The following CCDC138 variants were observed in gnomAD, a reference collection of about 807,000 sequenced individuals.
CCDC138 encodes coiled-coil domain containing 138.
A neutral mutation model predicts 82.3 loss-of-function variants in CCDC138; 66 were observed. The ratio of observed to expected loss-of-function variants is 0.80; its 90% CI spans 0.66 to 0.98. The LOEUF is 0.98. CCDC138 is among the 50% of genes least tolerant of loss of function. The pLI is 0.00. For missense variants in CCDC138, 816 were observed against 758.9 expected, an observed-to-expected ratio of 1.08 and a Z score of -0.88; for synonymous variants, 297 against 265.4, an observed-to-expected ratio of 1.12 and a Z score of -1.16.
chr2:108,856,609 C>T (rs954399158), intron 12 of CCDC138, 185 bp from the exon 13 acceptor site: 7 of 161,762 alleles, frequency 4.3e-5, no homozygotes, highest in African/African-American at 1.7e-4. Context: ...ATAATGTCTC[C>T]TCTCTCCTTA....
chr2:108,858,795 G>A (rs770715174), intron 13 of CCDC138, among the ~76,000 whole-genome samples: 13 of 151,698 alleles, frequency 8.6e-5, no homozygotes, highest in Admixed American at 3.3e-4. Context: ...AACTGAACTC[G>A]TCATTTAGGA....
At chr2:108,852,261 CTCT>C (rs1439696983) in intron 12 of CCDC138, among the ~76,000 whole-genome samples, 4 of 152,184 alleles carry the variant, frequency 2.6e-5, no homozygotes, top group South Asian at 2.1e-4. Context: ...TAAGATACAA[CTCT>C]TCTTTATGGA....
At chr2:108,838,429 A>G (rs1274512135) in intron 10 of CCDC138, among the ~76,000 whole-genome samples, 1 of 152,194 alleles carries the variant, frequency 6.6e-6, no homozygotes, top group Admixed American at 6.5e-5. Flanking sequence ...CTATACAATT[A>G]TTTCCAGGTT....
chr2:108,815,388 G>A (rs1357250254), intron 9 of CCDC138, among the ~76,000 whole-genome samples: 2 of 149,006 alleles, frequency 1.3e-5, no homozygotes, highest in African/African-American at 4.9e-5. Flanking sequence ...CCAACTTCCT[G>A]ATTATGACTT....
At chr2:108,795,488 C>T (rs915988483) in intron 5 of CCDC138, among the ~76,000 whole-genome samples, 24 of 152,106 alleles carry the variant, frequency 1.6e-4, no homozygotes, top group Admixed American at 1.4e-3. Flanking sequence ...TAAGCATCCA[C>T]GAGAAGTAGA....
intron 12 of CCDC138, among the ~76,000 whole-genome samples, chr2:108,851,107 G>A (rs1691405591): frequency 6.6e-6 from 1 of 152,076 alleles, no homozygotes; most frequent in Admixed American, 6.5e-5. Flanking sequence ...ATAGAACTCA[G>A]CGAAACACTT....
At chr2:108,826,450 T>C (rs1314834073) in intron 10 of CCDC138, among the ~76,000 whole-genome samples, 1 of 152,044 alleles carries the variant, frequency 6.6e-6, no homozygotes, top group South Asian at 2.1e-4. Flanking sequence ...GTTGGAGGAG[T>C]GTAACCTCAT....
chr2:108,814,828 G>A (rs968003349), intron 9 of CCDC138, among the ~76,000 whole-genome samples: 2 of 151,636 alleles, frequency 1.3e-5, no homozygotes, highest in African/African-American at 2.4e-5. Flanking sequence ...TAGAGACAGC[G>A]TTTCACCATG....
chr2:108,851,215 G>A (rs565956696), intron 12 of CCDC138, among the ~76,000 whole-genome samples: 1 of 152,274 alleles, frequency 6.6e-6, no homozygotes, highest in African/African-American at 2.4e-5. Flanking sequence ...TCCCCTCCCT[G>A]GAGCACCACG....
chr2:108,880,829 A>G (rs191638427), downstream of CCDC138, among the ~76,000 whole-genome samples: 12 of 152,344 alleles, frequency 7.9e-5, no homozygotes, highest in African/African-American at 2.9e-4. Flanking sequence ...ATGGACATGT[A>G]CAAGATTAAT....
At chr2:108,790,288 T>C (rs1679692556) in intron 3 of CCDC138, among the ~76,000 whole-genome samples, 1 of 152,158 alleles carries the variant, frequency 6.6e-6, no homozygotes, top group Non-Finnish European at 1.5e-5. Flanking sequence ...TTATGGAAAT[T>C]ATTTTCTTTT....
intron 10 of CCDC138, among the ~76,000 whole-genome samples, chr2:108,817,174 T>G (rs1296516973): frequency 6.6e-6 from 1 of 152,192 alleles, no homozygotes; most frequent in Non-Finnish European, 1.5e-5. Flanking sequence ...GTGGTCCTGG[T>G]AATCACACAA....
intron 5 of CCDC138, among the ~76,000 whole-genome samples, chr2:108,796,906 A>G (rs1681010408): frequency 1.3e-5 from 2 of 152,354 alleles, no homozygotes; most frequent in East Asian, 1.9e-4. Context: ...ATTTACTAGT[A>G]CAATAGGGAA....
At chr2:108,878,039 T>C (rs956913385), downstream of CCDC138, among the ~76,000 whole-genome samples, 1 of 152,208 alleles carries the variant, frequency 6.6e-6, no homozygotes, top group African/African-American at 2.4e-5. Flanking sequence ...CATTCAGGCG[T>C]TGAGAAATTA....
intron 11 of CCDC138, among the ~76,000 whole-genome samples, chr2:108,840,676 T>G (rs1044302669): frequency 8.5e-5 from 13 of 152,228 alleles, no homozygotes; most frequent in Non-Finnish European, 1.5e-4. Context: ...CATTATTTCC[T>G]TCTTGATATG....
chr2:108,860,185 C>T (rs552150785), intron 13 of CCDC138, among the ~76,000 whole-genome samples: 2 of 151,394 alleles, frequency 1.3e-5, no homozygotes, highest in Admixed American at 6.6e-5. Context: ...GATTTTTGTA[C>T]GTTGAATTTG....
intron 10 of CCDC138, among the ~76,000 whole-genome samples, chr2:108,837,237 A>G (rs1039881659): frequency 6.6e-6 from 1 of 152,100 alleles, no homozygotes; most frequent in African/African-American, 2.4e-5. Flanking sequence ...GAGTATTTTT[A>G]TCATGAAAGG....
At position 108,798,580 on chromosome 2, in the gene CCDC138, A is replaced by C. The variant is rs537816885; in HGVS notation, c.729A>C (p.Ile243=). The change falls in exon 6 of 15, where the codon ATA becomes ATC. Residue 243 remains isoleucine, a synonymous_variant. Transcript: ENST00000295124. The part of the protein sequence containing the change: ...EEEVLTRFQI[I]KEQHDAEVEH... Reference sequence around the variant, plus strand: ...AGGTTCTTACAAGATTTCAAATTATAAAAGAGGTAACTATATAGCCTTTGA... The same window carrying C: ...AGGTTCTTACAAGATTTCAAATTATCAAAGAGGTAACTATATAGCCTTTGA... 52 of 1,604,656 alleles carry C rather than the reference A, an allele frequency of 3.2e-5. No homozygotes were observed. The highest frequency in any genetic ancestry group is 4.3e-5 in the Non-Finnish European group (51 of 1,174,764).
At chr2:108,821,707 G>A (rs1428389959) in intron 10 of CCDC138, among the ~76,000 whole-genome samples, 1 of 151,880 alleles carries the variant, frequency 6.6e-6, no homozygotes, top group Admixed American at 6.6e-5. Flanking sequence ...TACTTTGGGA[G>A]GCTGAGACAG....
Sources: gnomAD v4.1 joint callset for allele counts (sites outside exome capture counted in the v4.1 genomes callset) on GRCh38, gnomAD v4.1.1 for gene constraint, MANE v1.5 for transcripts, NCBI Gene and HGNC (gene_info 2026-07-23, HGNC 2026-07-21) for gene names.